MAK: variants seen among roughly 807,000 people sequenced by gnomAD.
MAK encodes serine/threonine-protein kinase MAK.
MAK carries 65 observed loss-of-function variants against 82.6 expected under a neutral mutation model. That is an observed-to-expected ratio of 0.79 (90% CI 0.64 to 0.97). The LOEUF (loss-of-function observed/expected upper bound fraction) is 0.97. Among genes scored for constraint, MAK ranks in the 50% least tolerant of loss-of-function variants. MAK has a pLI of 0.00. For missense variants in MAK, 703 were observed against 780.2 expected (o/e 0.90, Z 1.18); for synonymous variants, 250 against 274.2 (o/e 0.91, Z 0.87).
At chr6:10,832,039 T>A (rs1778849442) in intron 1 of MAK, among the ~76,000 whole-genome samples, 1 of 152,196 alleles carries the variant, frequency 6.6e-6, no homozygotes. Flanking sequence ...AAGTGATTTT[T>A]GTCCCTGAGT....
chr6:10,787,768 G>A (rs1774706600), intron 10 of MAK, among the ~76,000 whole-genome samples: 1 of 151,722 alleles, frequency 6.6e-6, no homozygotes, highest in African/African-American at 2.4e-5. Flanking sequence ...GGCTGAGGCA[G>A]GAGAATGGCG....
chr6:10,764,294 TA>T lies in MAK; in HGVS notation c.*157del. Reference sequence around the variant, plus strand: ...GCTAAGAAAATGCATTTCTTGGAAATAAGTAAAATAGGGGATGATTTTTGCC... The same window carrying T: ...GCTAAGAAAATGCATTTCTTGGAAATAGTAAAATAGGGGATGATTTTTGCC... On this transcript the variant is annotated 3_prime_UTR_variant, in exon 15 of 15. Transcript: ENST00000354489. 1.5e-6 allele frequency: 1 copy of T among 681,850 alleles called. No homozygotes were observed. The highest frequency in any genetic ancestry group is 2.5e-6 in the Non-Finnish European group (1 of 407,968). The allele number at this position is 681,850 out of a possible 1,614,324, so 42.2% of individuals were successfully genotyped here.
intron 10 of MAK, among the ~76,000 whole-genome samples, chr6:10,788,232 C>T (rs192371559): frequency 1.3e-5 from 2 of 151,986 alleles, no homozygotes; most frequent in African/African-American, 4.8e-5. Context: ...GCTCAAGCAA[C>T]CCACCTACCT....
At chr6:10,798,024 A>G (rs1358413878) in intron 8 of MAK, 8 of 931,468 alleles carry the variant, frequency 8.6e-6, no homozygotes, top group East Asian at 2.3e-4. Flanking sequence ...TAGTATGTCA[A>G]TATTCCTAAA....
intron 2 of MAK, among the ~76,000 whole-genome samples, chr6:10,824,711 C>T (rs1314280108): frequency 6.6e-6 from 1 of 152,160 alleles, no homozygotes; most frequent in Non-Finnish European, 1.5e-5. Context: ...ACTGGGCAAC[C>T]CCTTTGTGGC....
intron 4 of MAK, among the ~76,000 whole-genome samples, chr6:10,815,715 G>T (rs908153654): frequency 1.3e-5 from 2 of 151,572 alleles, no homozygotes; most frequent in Non-Finnish European, 2.9e-5. Context: ...TCCCGCCTTG[G>T]CCTCTCAAAG....
In MAK at chr6:10,765,868, G is replaced by A. The variant is rs188772627; in HGVS notation, c.1793-1262C>T. ...AGGATCCTAAACTTTTAACCACAAG[G>A]TTGTTTCATTCATATATCTGACTGT... On this transcript the variant is annotated intron_variant, in intron 14 of 14. Transcript: ENST00000354489. Among the ~76,000 whole-genome samples, 447 of 152,186 alleles carry A rather than the reference G, an allele frequency of 2.9e-3. 4 individuals are homozygous for A. The highest frequency in any genetic ancestry group is 9.9e-3 in the African/African-American group (411 of 41,504).
At chr6:10,818,004 T>TA (rs746127207) in intron 3 of MAK, 33 bp from the exon 4 acceptor site, 100 of 1,355,482 alleles carry the variant, frequency 7.4e-5, no homozygotes, top group East Asian at 1.3e-4. Context: ...TAAAATTTCT[T>TA]AAAAAAAACT....
At chr6:10,769,267 A>G (rs1772760067) in intron 14 of MAK, among the ~76,000 whole-genome samples, 1 of 152,240 alleles carries the variant, frequency 6.6e-6, no homozygotes, top group Admixed American at 6.5e-5. Context: ...ATCTTATTAA[A>G]GTTCTAATGA....
intron 11 of MAK, among the ~76,000 whole-genome samples, chr6:10,780,849 C>T (rs762539328): frequency 6.6e-6 from 1 of 152,184 alleles, no homozygotes; most frequent in Non-Finnish European, 1.5e-5. Context: ...CTTTTGCAGT[C>T]AGATTAAAAC....
chr6:10,791,113 G>A (rs567539046), intron 10 of MAK, among the ~76,000 whole-genome samples: 25 of 151,904 alleles, frequency 1.6e-4, no homozygotes, highest in Non-Finnish European at 3.2e-4. Flanking sequence ...ATGTAAAAAC[G>A]GACTGACACA....
At chr6:10,779,852 T>G (rs1773807202) in intron 11 of MAK, among the ~76,000 whole-genome samples, 1 of 151,938 alleles carries the variant, frequency 6.6e-6, no homozygotes. Flanking sequence ...GCCTGGCTAA[T>G]TTTTTTGTAT....
intron 4 of MAK, among the ~76,000 whole-genome samples, chr6:10,816,491 T>C (rs895068093): frequency 6.6e-6 from 1 of 152,186 alleles, no homozygotes; most frequent in Admixed American, 6.5e-5. Context: ...CATTTCAATA[T>C]TTTAAAGGAC....
intron 14 of MAK, among the ~76,000 whole-genome samples, chr6:10,769,107 A>G (rs1772744444): frequency 6.6e-6 from 1 of 152,112 alleles, no homozygotes; most frequent in Non-Finnish European, 1.5e-5. Context: ...CCATCTACTC[A>G]GAAGGCGGAG....
At chr6:10,775,722 G>GCT (rs1161611313) in intron 11 of MAK, among the ~76,000 whole-genome samples, 1 of 152,172 alleles carries the variant, frequency 6.6e-6, no homozygotes, top group Non-Finnish European at 1.5e-5. Flanking sequence ...TGATGTTCTT[G>GCT]CTAAGGGTCT....
At chr6:10,805,618 C>T (rs1182910024) in intron 6 of MAK, among the ~76,000 whole-genome samples, 1 of 150,548 alleles carries the variant, frequency 6.6e-6, no homozygotes, top group Non-Finnish European at 1.5e-5. Context: ...TGACCAGAAA[C>T]GTGCCATAAA....
Position 10,831,481 on chromosome 6 carries a change from G to A in MAK, c.-229-604C>T, listed in dbSNP as rs73429463. Among the ~76,000 whole-genome samples the A allele has an allele frequency of 7.2e-3, 1,092 of 152,282 alleles. 12 individuals carry two copies. The highest frequency in any genetic ancestry group is 0.022 in the African/African-American group (933 of 41,546). Reference sequence around the variant, plus strand: ...GAAATAAGAAACATAGCCGGGCGTGGTGGCTGATGCCTGTAATCCCAGTGA... The same window carrying A: ...GAAATAAGAAACATAGCCGGGCGTGATGGCTGATGCCTGTAATCCCAGTGA... On this transcript the variant is annotated intron_variant, in intron 1 of 14. Coordinates refer to ENST00000354489, the MANE Select transcript of MAK (RefSeq NM_001242957.3).
intron 6 of MAK, among the ~76,000 whole-genome samples, chr6:10,806,222 T>A (rs1428469409): frequency 6.6e-6 from 1 of 150,966 alleles, no homozygotes; most frequent in African/African-American, 2.4e-5. Flanking sequence ...TTGCCCAGGC[T>A]GGAGTGCAAT....
At chr6:10,829,203 A>G (rs1778596207) in intron 2 of MAK, 1 of 152,230 alleles carries the variant, frequency 6.6e-6, no homozygotes, top group South Asian at 2.1e-4. Flanking sequence ...CTTATTTTAA[A>G]TCACTAAGCT....
Sources: allele counts gnomAD v4.1 joint callset (sites outside exome capture counted in the v4.1 genomes callset), GRCh38; gene constraint gnomAD v4.1.1; transcripts MANE v1.5; gene names NCBI Gene and HGNC (gene_info 2026-07-23, HGNC 2026-07-21).